Variants in MAGI3 observed in about 807,000 individuals in gnomAD.
The protein encoded by MAGI3 is membrane-associated guanylate kinase, WW and PDZ domain-containing protein 3.
A neutral mutation model predicts 121.8 loss-of-function variants in MAGI3; 43 were observed. The observed-to-expected ratio is 0.35, with a 90% CI of 0.28 to 0.46. The LOEUF is 0.46. Ranked by LOEUF, MAGI3 falls within the 20% of genes least tolerant of loss-of-function variation. The probability of loss-of-function intolerance (pLI) is 1.00; values close to 1 mark genes in which losing one functional copy is unlikely to be tolerated. For missense variants in MAGI3, 1,547 were observed against 1,797.3 expected (o/e 0.86, Z 2.52); for synonymous variants, 553 against 639.3 (o/e 0.86, Z 2.04).
chr1:113,601,951 T>G (rs539029479), intron 6 of MAGI3, among the ~76,000 whole-genome samples: 1 of 151,494 alleles, frequency 6.6e-6, no homozygotes, highest in East Asian at 1.9e-4. Context: ...AAATCATCAT[T>G]CTCAGTAAAC....
chr1:113,624,675 CTGAT>C (rs1328260840), intron 9 of MAGI3, among the ~76,000 whole-genome samples: 7 of 152,162 alleles, frequency 4.6e-5, no homozygotes, highest in South Asian at 2.1e-4. Flanking sequence ...CTTCACTTGA[CTGAT>C]TGTTTCCTTT....
chr1:113,560,153 G>T (rs2101686186), intron 2 of MAGI3, among the ~76,000 whole-genome samples: 1 of 152,174 alleles, frequency 6.6e-6, no homozygotes, highest in South Asian at 2.1e-4. Context: ...AAATGCAAAA[G>T]AACTGAAATC....
rs546080312 is a variant in MAGI3, at chr1:113,654,012, C to G, written c.2623C>G (p.Pro875Ala). 2.5e-6 allele frequency: 4 copies of G among 1,612,450 alleles called. No individual in the cohort carries two copies. The African/African-American group carries it at 4.0e-5, about 16-fold the overall frequency. Residue 875 changes from proline (P) to alanine (A), a missense_variant, in exon 15 of 21, where the codon CCA becomes GCA. By Grantham distance (27) the Pro-to-Ala change is conservative. Coordinates refer to ENST00000307546, the MANE Select transcript of MAGI3 (RefSeq NM_001142782.2). ...VILTSKNKPPPGVIPHKIGRV... is the reference protein window; with the variant it reads ...VILTSKNKPPAGVIPHKIGRV... The stretch of plus-strand genomic sequence containing the variant: ...CCTCACCTCCAAAAACAAACCACCT[C>G]CAGGAGGTAAGGGCTATTGTATCTT...
chr1:113,423,135 G>C (rs1181422205), intron 1 of MAGI3, among the ~76,000 whole-genome samples: 1 of 152,110 alleles, frequency 6.6e-6, no homozygotes, highest in Non-Finnish European at 1.5e-5. Flanking sequence ...GACAACTAGA[G>C]GATGAGCAAG....
chr1:113,392,480 C>A (rs1034202343), intron 1 of MAGI3, among the ~76,000 whole-genome samples: 9 of 152,188 alleles, frequency 5.9e-5, no homozygotes, highest in African/African-American at 2.2e-4. Flanking sequence ...TCTTTCTCAG[C>A]AGCTCGCTTT....
intron 6 of MAGI3, among the ~76,000 whole-genome samples, chr1:113,598,152 C>T (rs967198823): frequency 1.8e-4 from 27 of 152,106 alleles, no homozygotes; most frequent in Middle Eastern, 3.4e-3. Flanking sequence ...GTGGAGGTTG[C>T]AGTTAGCCAA....
chr1:113,629,556 G>A (rs1651464563), intron 9 of MAGI3, among the ~76,000 whole-genome samples: 1 of 152,054 alleles, frequency 6.6e-6, no homozygotes, highest in African/African-American at 2.4e-5. Flanking sequence ...GTTTCTTTGT[G>A]CCCATCCTTG....
At chr1:113,553,458 C>A (rs1173648627) in intron 2 of MAGI3, among the ~76,000 whole-genome samples, 1 of 152,150 alleles carries the variant, frequency 6.6e-6, no homozygotes, top group Non-Finnish European at 1.5e-5. Flanking sequence ...ACCAAAAAAT[C>A]TCTCGGAGTT....
At chr1:113,568,403 G>T (rs896730415) in intron 2 of MAGI3, among the ~76,000 whole-genome samples, 1 of 151,996 alleles carries the variant, frequency 6.6e-6, no homozygotes, top group Non-Finnish European at 1.5e-5. Context: ...AGGCAGTATG[G>T]CAAAGATACC....
At chr1:113,640,140 C>T (rs575134572) in intron 9 of MAGI3, among the ~76,000 whole-genome samples, 15 of 152,270 alleles carry the variant, frequency 9.9e-5, no homozygotes, top group Non-Finnish European at 1.8e-4. Flanking sequence ...AGCTCAACAT[C>T]GCTGATTATT....
chr1:113,535,593 C>A (rs934239715), intron 1 of MAGI3, among the ~76,000 whole-genome samples: 1 of 151,934 alleles, frequency 6.6e-6, no homozygotes, highest in Non-Finnish European at 1.5e-5. Flanking sequence ...TGAATATTAC[C>A]TTAGTAGATC....
In MAGI3 at chr1:113,409,138, A is replaced by G. The variant is rs140749497; in HGVS notation, c.316+17789A>G. Among the ~76,000 whole-genome samples the G allele has an allele frequency of 7.9e-4, 120 of 152,008 alleles. 1 individual carries two copies. The highest frequency in any genetic ancestry group is 2.8e-3 in the African/African-American group (116 of 41,522). On this transcript the variant is annotated intron_variant, in intron 1 of 20. Coordinates refer to ENST00000307546, the MANE Select transcript of MAGI3 (RefSeq NM_001142782.2). ...TCTTTGGTGGAAAGTTTCAAGAGGA[A>G]CACACATGGGTTAAAAAAGGATCTG...
At chr1:113,575,893 G>A (rs1647600603) in intron 2 of MAGI3, among the ~76,000 whole-genome samples, 1 of 152,220 alleles carries the variant, frequency 6.6e-6, no homozygotes, top group Non-Finnish European at 1.5e-5. Flanking sequence ...CCTGCCCAGT[G>A]AGGAGGAATC....
chr1:113,610,809 C>T (rs1395393272), intron 6 of MAGI3, among the ~76,000 whole-genome samples: 1 of 152,076 alleles, frequency 6.6e-6, no homozygotes, highest in Admixed American at 6.6e-5. Flanking sequence ...TGGCACGCAC[C>T]TTTAGTTCTA....
At chr1:113,483,791 G>A (rs937682747) in intron 1 of MAGI3, among the ~76,000 whole-genome samples, 4 of 151,992 alleles carry the variant, frequency 2.6e-5, no homozygotes, top group South Asian at 2.1e-4. Flanking sequence ...TTCACACGTC[G>A]GAAGAGTTGC....
At chr1:113,564,024 G>A (rs1025370951) in intron 2 of MAGI3, among the ~76,000 whole-genome samples, 10 of 152,098 alleles carry the variant, frequency 6.6e-5, no homozygotes, top group African/African-American at 2.4e-4. Flanking sequence ...TAGAGTCCTC[G>A]TTTATTCCTA....
intron 1 of MAGI3, among the ~76,000 whole-genome samples, chr1:113,466,544 A>G (rs1353317632): frequency 1.3e-5 from 2 of 151,988 alleles, no homozygotes; most frequent in African/African-American, 2.4e-5. Flanking sequence ...TTTTTTGAGT[A>G]GAATTGATAT....
At chr1:113,444,211 C>A (rs1017186928) in intron 1 of MAGI3, among the ~76,000 whole-genome samples, 1 of 152,192 alleles carries the variant, frequency 6.6e-6, no homozygotes, top group Non-Finnish European at 1.5e-5. Context: ...CTCATGGGAG[C>A]TAGAGTGGGC....
intron 1 of MAGI3, among the ~76,000 whole-genome samples, chr1:113,539,598 T>G (rs1659177193): frequency 6.6e-6 from 1 of 152,080 alleles, no homozygotes; most frequent in Admixed American, 6.5e-5. Context: ...AATGTGCAGG[T>G]TAGTTACATA....
Sources: allele counts gnomAD v4.1 joint callset (sites outside exome capture counted in the v4.1 genomes callset), GRCh38; gene constraint gnomAD v4.1.1; transcripts MANE v1.5; gene names NCBI Gene and HGNC (gene_info 2026-07-23, HGNC 2026-07-21).